The following FER variants were observed in gnomAD, a reference collection of about 807,000 sequenced individuals.
FER encodes FER tyrosine kinase.
Under a neutral mutation model 111.0 loss-of-function variants are expected in FER, and 63 were observed. The ratio of observed to expected loss-of-function variants is 0.57; its 90% CI spans 0.46 to 0.70. The LOEUF is 0.70. FER is among the 30% of genes least tolerant of loss of function. The pLI is 0.00. For missense variants in FER, 914 were observed against 954.0 expected (o/e 0.96, Z 0.55); for synonymous variants, 327 against 313.9 (o/e 1.04, Z -0.44).
intron 17 of FER, among the ~76,000 whole-genome samples, chr5:109,110,238 T>A (rs903708178): frequency 2.0e-5 from 3 of 152,064 alleles, no homozygotes; most frequent in Non-Finnish European, 2.9e-5. Context: ...AACATATTTT[T>A]AAAAAATAAT....
In FER at chr5:109,194,369, C is replaced by A. The variant is rs1047752084; in HGVS notation, c.*6794C>A. ...AAGTCATTCTACCTAGAAATACAGA[C>A]CCCAGAGCACATTGCATGAAAATAC... On this transcript the variant is annotated 3_prime_UTR_variant, in exon 20 of 20. Coordinates refer to ENST00000281092, the MANE Select transcript of FER (RefSeq NM_005246.4). 1.3e-5 allele frequency: 2 copies of A among 152,142 alleles called. No homozygotes were observed. The highest frequency in any genetic ancestry group is 6.5e-5 in the Admixed American group (1 of 15,268). The allele number at this position is 152,142 out of a possible 1,614,324, so 9.4% of individuals were successfully genotyped here. A position where few individuals can be genotyped will look rare whatever the true frequency, so the allele number is the denominator to read the frequency against.
intron 17 of FER, among the ~76,000 whole-genome samples, chr5:109,160,068 A>G (rs1049108135): frequency 6.6e-6 from 1 of 152,200 alleles, no homozygotes; most frequent in Non-Finnish European, 1.5e-5. Context: ...AAATCAAGTA[A>G]ATATTTAGTG....
chr5:109,113,451 G>A (rs975214259), intron 17 of FER, among the ~76,000 whole-genome samples: 1 of 152,144 alleles, frequency 6.6e-6, no homozygotes, highest in African/African-American at 2.4e-5. Context: ...GGATGAAAAT[G>A]TCTGAGAACC....
At chr5:109,164,863 C>T (rs994072842) in intron 17 of FER, among the ~76,000 whole-genome samples, 7 of 152,086 alleles carry the variant, frequency 4.6e-5, no homozygotes, top group South Asian at 2.1e-4. Context: ...AGCATGTTGA[C>T]GCCATCTAAA....
At chr5:108,861,735 T>C (rs919343064) in intron 5 of FER, among the ~76,000 whole-genome samples, 5 of 152,190 alleles carry the variant, frequency 3.3e-5, no homozygotes, top group Non-Finnish European at 5.9e-5. Flanking sequence ...TCGAAGTAAA[T>C]AGAATTGTAT....
At chr5:108,870,641 G>T (rs199696989) in intron 6 of FER, among the ~76,000 whole-genome samples, 1 of 92,634 alleles carries the variant, frequency 1.1e-5, no homozygotes, top group Non-Finnish European at 2.4e-5. Flanking sequence ...TATAAGTAAT[G>T]ATGGTGGAAA....
intron 17 of FER, among the ~76,000 whole-genome samples, chr5:109,138,186 A>T (rs1753120165): frequency 6.6e-6 from 1 of 152,234 alleles, no homozygotes; most frequent in African/African-American, 2.4e-5. Flanking sequence ...TCAGCAAAAA[A>T]GGAAAATGTT....
chr5:108,753,469 C>T (rs977446369), intron 1 of FER, among the ~76,000 whole-genome samples: 34 of 151,932 alleles, frequency 2.2e-4, no homozygotes, highest in African/African-American at 7.7e-4. Context: ...GTCTGGATTC[C>T]TGATTTATTT....
chr5:108,924,649 C>T (rs1228692220), intron 10 of FER: 1 of 1,231,770 alleles, frequency 8.1e-7, no homozygotes, highest in African/African-American at 1.6e-5. Context: ...TATCTCTTAG[C>T]TAAATTTTGA....
At chr5:109,116,551 A>G (rs999312625) in intron 17 of FER, among the ~76,000 whole-genome samples, 6 of 152,156 alleles carry the variant, frequency 3.9e-5, no homozygotes, top group African/African-American at 1.4e-4. Flanking sequence ...TTTCAGTTCT[A>G]AAGCCCACCT....
chr5:108,763,898 T>C (rs1341927191), intron 1 of FER, among the ~76,000 whole-genome samples: 1 of 152,210 alleles, frequency 6.6e-6, no homozygotes, highest in Non-Finnish European at 1.5e-5. Flanking sequence ...GGTTGCTTGA[T>C]TGTCTAGTAG....
intron 10 of FER, among the ~76,000 whole-genome samples, chr5:108,926,135 T>A (rs981819734): frequency 1.6e-4 from 24 of 151,758 alleles, no homozygotes; most frequent in Non-Finnish European, 2.4e-4. Context: ...TTTTTGAAAT[T>A]GTTCTTAATT....
chr5:108,884,512 G>GTTTTTTTTTTTTTTTTT (rs776345488), intron 9 of FER, among the ~76,000 whole-genome samples: 7 of 144,534 alleles, frequency 4.8e-5, no homozygotes, highest in African/African-American at 1.3e-4. Flanking sequence ...CTTATGCCTG[G>GTTTTTTTTTTTTTTTTT]TTTTTTTTTT....
intron 13 of FER, among the ~76,000 whole-genome samples, chr5:109,023,950 T>C (rs539841919): frequency 5.3e-5 from 8 of 152,194 alleles, no homozygotes; most frequent in Admixed American, 2.6e-4. Context: ...TAAGCACTTA[T>C]TATATGTTAG....
intron 16 of FER, chr5:109,051,729 G>T: frequency 6.4e-7 from 1 of 1,562,622 alleles, no homozygotes; most frequent in Non-Finnish European, 8.8e-7. Flanking sequence ...GGTAAGGGTC[G>T]CTCTTTCCCT....
At chr5:109,003,746 G>A (rs1409398820) in intron 13 of FER, among the ~76,000 whole-genome samples, 7 of 152,252 alleles carry the variant, frequency 4.6e-5, no homozygotes, top group Admixed American at 6.5e-5. Context: ...TTGGGAGCTA[G>A]AGGTGGGAGA....
At chr5:108,925,928 G>C (rs1581227576) in intron 10 of FER, among the ~76,000 whole-genome samples, 1 of 151,900 alleles carries the variant, frequency 6.6e-6, no homozygotes, top group African/African-American at 2.4e-5. Context: ...TAATGTCTCT[G>C]AAGCCTGAGG....
At chr5:109,068,477 C>T (rs985687594) in intron 16 of FER, among the ~76,000 whole-genome samples, 1 of 152,072 alleles carries the variant, frequency 6.6e-6, no homozygotes, top group Admixed American at 6.5e-5. Context: ...CCACCGTGCC[C>T]GTTGCTCTGT....
At chr5:108,850,011 G>A (rs1423107271) in intron 5 of FER, among the ~76,000 whole-genome samples, 1 of 152,064 alleles carries the variant, frequency 6.6e-6, no homozygotes, top group Non-Finnish European at 1.5e-5. Context: ...CCAACATTGT[G>A]AAACCCCGTC....
Sources: gnomAD v4.1 joint callset for allele counts (sites outside exome capture counted in the v4.1 genomes callset) on GRCh38, gnomAD v4.1.1 for gene constraint, MANE v1.5 for transcripts, NCBI Gene and HGNC (gene_info 2026-07-23, HGNC 2026-07-21) for gene names.